The following SVIL variants were observed in gnomAD, a reference collection of about 807,000 sequenced individuals.
The protein encoded by SVIL is archvillin.
SVIL carries 101 observed loss-of-function variants against 240.4 expected under a neutral mutation model. The observed-to-expected ratio is 0.42, with a 90% CI of 0.36 to 0.50. The LOEUF is 0.50. Ranked by LOEUF, SVIL falls within the 20% of genes least tolerant of loss-of-function variation. SVIL has a pLI of 0.01. For missense variants in SVIL, 2,512 were observed against 2,818.7 expected, an observed-to-expected ratio of 0.89 and a Z score of 2.46; for synonymous variants, 999 against 1,100.0, an observed-to-expected ratio of 0.91 and a Z score of 1.82.
intron 1 of SVIL, among the ~76,000 whole-genome samples, chr10:29,689,447 GCTAA>G (rs1316465883): frequency 6.6e-6 from 1 of 152,144 alleles, no homozygotes; most frequent in African/African-American, 2.4e-5. Context: ...AACACATCCG[GCTAA>G]CTTTTTGTAT....
At position 29,587,298 on chromosome 10, in the gene SVIL, C is replaced by T. The variant is rs182492062; in HGVS notation, c.-200-17986G>A. 6.2e-3 allele frequency among the ~76,000 whole-genome samples: 945 copies of T among 152,312 alleles called. 13 individuals are homozygous for T. Among genetic ancestry groups the T allele is most frequent in the African/African-American group, 0.021 (875 of 41,554 alleles). On this transcript the variant is annotated intron_variant, in intron 1 of 37. Transcript: ENST00000355867. Reference sequence around the variant, plus strand: ...CCACGTCTCCGGGGCTCGGGTTCTCCGGCTTCGTACAGGACACAAGCTCAC... The same window carrying T: ...CCACGTCTCCGGGGCTCGGGTTCTCTGGCTTCGTACAGGACACAAGCTCAC...
rs145057633 is a variant in SVIL at position 29,499,067 on chromosome 10, C to T, written c.3664+49G>A. 1,305 of 1,595,076 alleles carry T rather than the reference C, an allele frequency of 8.2e-4. 14 individuals carry two copies. In the African/African-American group the frequency reaches 0.014, roughly 18 times the overall value. ...TGCCCTCCATGGGTAAGTGTGCTCA[C>T]GTGTGTGCATTGTGCACACACCACA... On this transcript the variant is annotated intron_variant, in intron 18 of 37. Coordinates refer to ENST00000355867, the MANE Select transcript of SVIL (RefSeq NM_021738.3).
Position 29,523,794 on chromosome 10 carries a change from GTTC to G in SVIL, c.2817_2819del (p.Glu939_Asn940delinsAsp). The G allele has an allele frequency of 3.7e-6, 6 of 1,614,134 alleles. No individual in the cohort carries two copies. The highest frequency in any genetic ancestry group is 1.3e-5 in the African/African-American group (1 of 75,000). ...CTCCATATTCTCTCAACATTCCCTTGTTCTCGCTACCCTCTACCAAAGGCTGCC... is the reference window on the plus strand; with the variant it reads ...CTCCATATTCTCTCAACATTCCCTTGTCGCTACCCTCTACCAAAGGCTGCC... On this transcript the variant is annotated inframe_deletion, in exon 15 of 38. Transcript: ENST00000355867.
chr10:29,717,248 A>ATC (rs1963682210), intron 1 of SVIL, among the ~76,000 whole-genome samples: 1 of 148,060 alleles, frequency 6.8e-6, no homozygotes, highest in South Asian at 2.2e-4. Flanking sequence ...AAAAAAAAAA[A>ATC]AAAAAAAAAA....
chr10:29,725,767 A>G (rs1964248882), intron 1 of SVIL, among the ~76,000 whole-genome samples: 1 of 152,206 alleles, frequency 6.6e-6, no homozygotes, highest in African/African-American at 2.4e-5. Flanking sequence ...GCCTCTTTAG[A>G]AACAGAGTTG....
At chr10:29,497,582 G>T (rs907879441) in intron 18 of SVIL, among the ~76,000 whole-genome samples, 3 of 152,122 alleles carry the variant, frequency 2.0e-5, no homozygotes, top group African/African-American at 7.2e-5. Context: ...ATTGCAGCAG[G>T]GACATCCCAC....
Position 29,493,318 on chromosome 10 carries a change from A to G in SVIL, c.3915T>C (p.Asp1305=), listed in dbSNP as rs1948138468. 5 of 1,614,104 alleles carry G rather than the reference A, an allele frequency of 3.1e-6. No individual in the cohort carries two copies. The South Asian group carries it at 4.4e-5, about 14-fold the overall frequency. Residue 1305 remains aspartate (D), a synonymous_variant, in exon 21 of 38, where the codon GAT becomes GAC. Coordinates refer to ENST00000355867, the MANE Select transcript of SVIL (RefSeq NM_021738.3). ...SVKEVMKPDD[D]ETFAKFYRSV... is the part of the protein sequence containing the mutation. ...TGCGGTAAAATTTGGCAAAGGTTTC[A>G]TCATCATCTGGCTTCATCACCTCCT...
At chr10:29,616,213 T>G (rs571772298) in intron 1 of SVIL, among the ~76,000 whole-genome samples, 1 of 152,256 alleles carries the variant, frequency 6.6e-6, no homozygotes, top group Non-Finnish European at 1.5e-5. Context: ...AATTTTTGTA[T>G]TTTAGTAGAG....
chr10:29,576,094 CT>C, intron 1 of SVIL: 2 of 985,188 alleles, frequency 2.0e-6, no homozygotes, highest in South Asian at 9.4e-5. Context: ...AATCTGGTAC[CT>C]GACTTTTCTC....
Position 29,470,298 on chromosome 10 carries a change from C to A in SVIL, c.5821G>T (p.Ala1941Ser), listed in dbSNP as rs767857736. Residue 1941 changes from alanine to serine, a missense_variant, in exon 32 of 38, where the codon GCT becomes TCT. Physicochemically the swap from Ala to Ser is moderately conservative, Grantham distance 99. Coordinates refer to ENST00000355867, the MANE Select transcript of SVIL (RefSeq NM_021738.3). ...CACTGTTCCTTGATCTTGTTCGCAG[C>A]GGTCCTTCCGACCTCCTTCGTGTGG... is the stretch of plus-strand genomic sequence containing the variant. ...QAHTKEVGRT[A>S]ANKIKEQCPL... 2 of 1,614,202 alleles carry A rather than the reference C, an allele frequency of 1.2e-6. No individual in the cohort carries two copies. Among genetic ancestry groups the A allele is most frequent in the Non-Finnish European group, 1.7e-6 (2 of 1,180,034 alleles).
At chr10:29,714,948 T>TAAAAAAAAAAAAAAAAAAAAA (rs61107910) in intron 1 of SVIL, among the ~76,000 whole-genome samples, 1 of 78,382 alleles carries the variant, frequency 1.3e-5, no homozygotes, top group Non-Finnish European at 2.6e-5. Flanking sequence ...TGTCTGAAAT[T>TAAAAAAAAAAAAAAAAAAAAA]AAAAAAAAAA....
intron 3 of SVIL, among the ~76,000 whole-genome samples, chr10:29,557,297 T>C (rs1954024146): frequency 6.6e-6 from 1 of 152,092 alleles, no homozygotes; most frequent in Non-Finnish European, 1.5e-5. Flanking sequence ...GGGGTTTCGC[T>C]ATGTTATCCA....
intron 27 of SVIL, 114 bp from the exon 28 acceptor site, chr10:29,481,842 G>T (rs1052617848): frequency 2.3e-5 from 21 of 908,446 alleles, no homozygotes; most frequent in Middle Eastern, 3.5e-4. Context: ...CTCAAAGTAC[G>T]TGAGTACATA....
At chr10:29,601,462 C>G (rs1231071921) in intron 1 of SVIL, among the ~76,000 whole-genome samples, 1 of 152,244 alleles carries the variant, frequency 6.6e-6, no homozygotes, top group Non-Finnish European at 1.5e-5. Context: ...ACCATAGCAT[C>G]TAGCCACTTT....
intron 1 of SVIL, among the ~76,000 whole-genome samples, chr10:29,729,833 CAAAAAAAAAAAA>C (rs71023507): frequency 1.5e-4 from 5 of 32,524 alleles, no homozygotes; most frequent in Non-Finnish European, 2.5e-4. Flanking sequence ...GACTCCATCT[CAAAAAAAAAAAA>C]AAAAAAAAAA....
intron 2 of SVIL, among the ~76,000 whole-genome samples, chr10:29,564,622 A>G (rs953063919): frequency 3.8e-4 from 57 of 151,892 alleles, no homozygotes; most frequent in African/African-American, 1.2e-3. Context: ...GATAACCTCT[A>G]CCCCCTGTAA....
intron 2 of SVIL, among the ~76,000 whole-genome samples, chr10:29,677,230 T>C (rs147510221): frequency 6.6e-6 from 1 of 152,150 alleles, no homozygotes; most frequent in Non-Finnish European, 1.5e-5. Flanking sequence ...GCCACAAAGA[T>C]GCATTCACTT....
chr10:29,526,519 G>A (rs1219596836), intron 13 of SVIL, among the ~76,000 whole-genome samples: 3 of 151,884 alleles, frequency 2.0e-5, no homozygotes, highest in South Asian at 2.1e-4. Context: ...TGGCCAGGAC[G>A]GTCTCAATCT....
intron 12 of SVIL, among the ~76,000 whole-genome samples, chr10:29,528,378 A>AT (rs567956611): frequency 1.3e-5 from 2 of 151,490 alleles, no homozygotes; most frequent in Admixed American, 1.3e-4. Flanking sequence ...GGGATGAACT[A>AT]TTTTTTTTTC....
Sources: gnomAD v4.1 joint callset for allele counts (sites outside exome capture counted in the v4.1 genomes callset) on GRCh38, gnomAD v4.1.1 for gene constraint, MANE v1.5 for transcripts, NCBI Gene and HGNC (gene_info 2026-07-23, HGNC 2026-07-21) for gene names.